The following NOD2 variants were observed in gnomAD, a reference collection of about 807,000 sequenced individuals.
The protein encoded by NOD2 is nucleotide binding oligomerization domain containing 2, also known as nucleotide-binding oligomerization domain-containing protein 2.
Under a neutral mutation model 90.9 loss-of-function variants are expected in NOD2, and 86 were observed. The observed-to-expected ratio is 0.95, with a 90% CI of 0.79 to 1.13. The LOEUF (loss-of-function observed/expected upper bound fraction) is 1.13. Ranked by LOEUF, NOD2 falls within the 50% of genes most tolerant of loss-of-function variation. The probability of loss-of-function intolerance (pLI) is 0.00; values close to 1 mark genes in which losing one functional copy is unlikely to be tolerated. For missense variants in NOD2, 1,238 were observed against 1,283.8 expected (o/e 0.96, Z 0.55); for synonymous variants, 581 against 554.6 (o/e 1.05, Z -0.67).
At chr16:50,705,611 C>T (rs1471983876) in intron 2 of NOD2, among the ~76,000 whole-genome samples, 1 of 152,204 alleles carries the variant, frequency 6.6e-6, no homozygotes, top group African/African-American at 2.4e-5. Context: ...AAATCTGTTT[C>T]AGAAACCACT....
At chr16:50,703,256 T>A (rs1175322857) in intron 2 of NOD2, among the ~76,000 whole-genome samples, 3 of 152,226 alleles carry the variant, frequency 2.0e-5, no homozygotes, top group Admixed American at 2.0e-4. Context: ...CTTTAATGTT[T>A]TAGCATCTTT....
Position 50,732,002 on chromosome 16 carries a change from C to A in NOD2, c.*183C>A. ...CTGGCAGAGGAGGGAGCATCAGTGC[C>A]CTCCAGGATAGACTTTTCCCAAGCC... On this transcript the variant is annotated 3_prime_UTR_variant, in exon 12 of 12. Coordinates refer to ENST00000647318, the MANE Select transcript of NOD2 (RefSeq NM_001370466.1). 1.6e-6 allele frequency: 1 copy of A among 640,200 alleles called. No homozygotes were observed. 39.7% of individuals were successfully genotyped at this position (640,200 alleles called of 1,614,324 possible). A position where few individuals can be genotyped will look rare whatever the true frequency, so the allele number is the denominator to read the frequency against.
rs188379009 is a variant in NOD2, at chr16:50,714,593, G to A, written c.2382-1994G>A. On this transcript the variant is annotated intron_variant, in intron 4 of 11. Coordinates refer to ENST00000647318, the MANE Select transcript of NOD2 (RefSeq NM_001370466.1). ...GAGGGGAAGCAACCATGAGGTTGCT[G>A]TGAGTGCACTGTGTGTGTGTGTGTG... 1.5e-3 allele frequency among the ~76,000 whole-genome samples: 220 copies of A among 150,890 alleles called. 1 individual carries two copies. The highest frequency in any genetic ancestry group is 3.0e-3 in the Admixed American group (46 of 15,124).
intron 6 of NOD2, among the ~76,000 whole-genome samples, chr16:50,718,581 TAGAG>T (rs1242926804): frequency 6.6e-6 from 1 of 152,346 alleles, no homozygotes. Context: ...ATCATTGTAA[TAGAG>T]AGCACAGGCT....
In NOD2 at chr16:50,716,726, G is replaced by A. The variant is rs917330516; in HGVS notation, c.2465+56G>A. The stretch of plus-strand genomic sequence containing the variant: ...TCCAAGTGCCCTGGTCTCACCCCAG[G>A]TCGTGCAGCCTGGGAAGCTGTGAGT... On this transcript the variant is annotated intron_variant, in intron 5 of 11. Coordinates refer to ENST00000647318, the MANE Select transcript of NOD2 (RefSeq NM_001370466.1). 3 of 1,574,480 alleles carry A rather than the reference G, an allele frequency of 1.9e-6. No individual in the cohort carries two copies. In the Admixed American group the frequency reaches 5.0e-5, roughly 26 times the overall value.
intron 4 of NOD2, chr16:50,712,580 G>A: frequency 1.5e-6 from 1 of 648,204 alleles, no homozygotes; most frequent in South Asian, 1.9e-5. Context: ...CTATGTGCTG[G>A]GTCTGGTGCT....
chr16:50,711,063 C>T lies in NOD2; in HGVS notation c.1071C>T (p.Phe357=). ...VLLTFDGFDE[F]KFRFTDRERH... ...TAACCTTTGATGGCTTTGACGAGTT[C>T]AAGTTCAGGTTCACGGATCGTGAAC... The change falls in exon 4 of 12, where the codon TTC becomes TTT. Residue 357 remains phenylalanine (F), a synonymous_variant. Transcript: ENST00000647318. 6.2e-7 allele frequency: 1 copy of T among 1,614,192 alleles called. No homozygotes were observed. Among genetic ancestry groups the T allele is most frequent in the Non-Finnish European group, 8.5e-7 (1 of 1,180,020 alleles).
At position 50,712,053 on chromosome 16, in the gene NOD2, C is replaced by T. The variant is rs1465484034; in HGVS notation, c.2061C>T (p.Ser687=). The change falls in exon 4 of 12, where the codon AGC becomes AGT. Residue 687 remains serine, a synonymous_variant. Transcript: ENST00000647318. ...QACARWCLAR[S]LRKHFHSIPP... ...GTGCCCGCTGGTGTCTGGCCCGCAG[C>T]CTCCGCAAGCACTTCCACTCCATCC... The T allele has an allele frequency of 5.0e-6, 8 of 1,613,296 alleles. No homozygotes were observed. Among genetic ancestry groups the T allele is most frequent in the Non-Finnish European group, 6.8e-6 (8 of 1,179,908 alleles).
chr16:50,712,589 C>T, intron 4 of NOD2: 1 of 624,942 alleles, frequency 1.6e-6, no homozygotes, highest in South Asian at 1.9e-5. Context: ...GGGTCTGGTG[C>T]TATGCTTTCC....
At position 50,710,615 on chromosome 16, in the gene NOD2, G is replaced by A. The variant is rs201790577; in HGVS notation, c.623G>A (p.Arg208His). 32 of 1,614,028 alleles carry A rather than the reference G, an allele frequency of 2.0e-5. No individual in the cohort carries two copies. The highest frequency in any genetic ancestry group is 1.2e-4 in the African/African-American group (9 of 74,908). ...AGGACCACGGTGTCTGCTCAGTCTC[G>A]CTTCCTCAGTACCTATGATGGAGCA... ...KLRTTVSAQSRFLSTYDGAET... is the reference protein window; with the variant it reads ...KLRTTVSAQSHFLSTYDGAET... Residue 208 changes from arginine (R) to histidine (H), a missense_variant, in exon 4 of 12, where the codon CGC becomes CAC. Arg to His is a conservative substitution (Grantham distance 29, BLOSUM62 0). Coordinates refer to ENST00000647318, the MANE Select transcript of NOD2 (RefSeq NM_001370466.1).
intron 8 of NOD2, 63 bp from the exon 9 acceptor site, chr16:50,723,238 G>T: frequency 1.3e-6 from 2 of 1,487,182 alleles, no homozygotes; most frequent in South Asian, 1.2e-5. Context: ...GCCCTCCATA[G>T]GTTAGCTCAT....
In NOD2 at chr16:50,710,620, CTCAG is replaced by C; in HGVS notation, c.630_633del (p.Ser211ProfsTer138). On this transcript the variant is annotated frameshift_variant, in exon 4 of 12. Transcript: ENST00000647318. LOFTEE classifies it high-confidence loss of function. ...CACGGTGTCTGCTCAGTCTCGCTTC[CTCAG>C]TACCTATGATGGAGCAGAGACGCTC... 1 of 1,614,200 alleles carries C rather than the reference CTCAG, an allele frequency of 6.2e-7. No individual in the cohort carries two copies. Among genetic ancestry groups the C allele is most frequent in the Non-Finnish European group, 8.5e-7 (1 of 1,180,030 alleles).
In NOD2 at chr16:50,711,849, G is replaced by A. The variant is rs762058298; in HGVS notation, c.1857G>A (p.Thr619=). The change falls in exon 4 of 12, where the codon ACG becomes ACA. Residue 619 remains threonine (T), a synonymous_variant. Coordinates refer to ENST00000647318, the MANE Select transcript of NOD2 (RefSeq NM_001370466.1). The stretch of plus-strand genomic sequence containing the variant: ...CACCAATGGCCAGGCTCCTGCCCAC[G>A]ATGTGCATCCAGGCCTCGGAGGGAA... ...GNSPMARLLP[T]MCIQASEGKD... is the part of the protein sequence containing the mutation. 12 of 1,612,712 alleles carry A rather than the reference G, an allele frequency of 7.4e-6. No homozygotes were observed. Among genetic ancestry groups the A allele is most frequent in the Admixed American group, 1.7e-5 (1 of 60,012 alleles).
At chr16:50,699,023 G>A (rs1963799570) in intron 1 of NOD2, among the ~76,000 whole-genome samples, 4 of 151,870 alleles carry the variant, frequency 2.6e-5, no homozygotes, top group Middle Eastern at 6.8e-3. Context: ...TGCCTCCCGG[G>A]TTCAAGTGAT....
chr16:50,720,732 A>T, intron 7 of NOD2, among the ~76,000 whole-genome samples: 1 of 152,178 alleles, frequency 6.6e-6, no homozygotes, highest in Admixed American at 6.5e-5. Context: ...GTAGGAAGAG[A>T]GAATAACCTT....
At position 50,732,607 on chromosome 16, in the gene NOD2, C is replaced by T. The variant is rs922754572; in HGVS notation, c.*788C>T. ...ATTTCCAGTGAAATCAGTTACTCTTCAGTTAAGCCTTTGGAAACAGCTCGA... is the reference window on the plus strand; with the variant it reads ...ATTTCCAGTGAAATCAGTTACTCTTTAGTTAAGCCTTTGGAAACAGCTCGA... On this transcript the variant is annotated 3_prime_UTR_variant, in exon 12 of 12. Coordinates refer to ENST00000647318, the MANE Select transcript of NOD2 (RefSeq NM_001370466.1). 5.9e-5 allele frequency: 9 copies of T among 152,400 alleles called. No individual in the cohort carries two copies. Among genetic ancestry groups the T allele is most frequent in the African/African-American group, 1.9e-4 (8 of 41,448 alleles). 9.4% of individuals were successfully genotyped at this position (152,400 alleles called of 1,614,324 possible).
At chr16:50,706,468 G>T (rs1174671478) in intron 2 of NOD2, among the ~76,000 whole-genome samples, 1 of 152,148 alleles carries the variant, frequency 6.6e-6, no homozygotes, top group Non-Finnish European at 1.5e-5. Flanking sequence ...GACCAGTTTT[G>T]CAGCCTGTGC....
rs779264256 is a variant in NOD2 at position 50,711,493 on chromosome 16, C to G, written c.1501C>G (p.Pro501Ala). ...LQHFLLHATP[P>A]DSASQGLGPS... ...GCATTTTCTGCTGCATGCCACCCCC[C>G]CAGACTCAGCTTCCCAAGGTCTGGG... The change falls in exon 4 of 12, where the codon CCA becomes GCA. Residue 501 changes from proline to alanine, a missense_variant. Transcript: ENST00000647318. The G allele has an allele frequency of 6.2e-6, 10 of 1,613,370 alleles. No homozygotes were observed. The highest frequency in any genetic ancestry group is 5.3e-5 in the African/African-American group (4 of 75,054).
chr16:50,715,144 A>C (rs1268208224), intron 4 of NOD2, among the ~76,000 whole-genome samples: 1 of 152,198 alleles, frequency 6.6e-6, no homozygotes, highest in Non-Finnish European at 1.5e-5. Context: ...TGGGGTTTGG[A>C]GCCAAGCCGC....
Sources: gnomAD v4.1 joint callset for allele counts (sites outside exome capture counted in the v4.1 genomes callset) on GRCh38, gnomAD v4.1.1 for gene constraint, MANE v1.5 for transcripts, NCBI Gene and HGNC (gene_info 2026-07-23, HGNC 2026-07-21) for gene names.